RFT1: variants seen among roughly 807,000 people sequenced by gnomAD.
RFT1 encodes man(5)GlcNAc(2)-PP-dolichol translocation protein RFT1.
Under a neutral mutation model 62.2 loss-of-function variants are expected in RFT1, and 43 were observed. The ratio of observed to expected loss-of-function variants is 0.69; its 90% CI spans 0.54 to 0.89. RFT1 has a LOEUF of 0.89. Ranked by LOEUF, RFT1 falls within the 40% of genes least tolerant of loss-of-function variation. RFT1 has a pLI of 0.00. For missense variants in RFT1, 605 were observed against 649.9 expected (o/e 0.93, Z 0.75); for synonymous variants, 262 against 264.6 (o/e 0.99, Z 0.10).
At chr3:53,123,611 T>C (rs1305625527) in intron 3 of RFT1, 113 bp downstream of exon 3, 3 of 838,866 alleles carry the variant, frequency 3.6e-6, no homozygotes, top group South Asian at 2.7e-5. Flanking sequence ...CAGAAACCCA[T>C]GACGAAACTG....
chr3:53,069,476 G>A, the RFT1 span, among the ~76,000 whole-genome samples: 15 of 152,062 alleles, frequency 9.9e-5, no homozygotes, highest in Non-Finnish European at 8.8e-5. Context: ...TGGAAAAATG[G>A]GGAAAGGATA....
Position 53,129,097 on chromosome 3 carries a change from A to C in RFT1, c.63+1241T>G, listed in dbSNP as rs531564275. The stretch of plus-strand genomic sequence containing the variant: ...TGTGGATAAAACAATAAACTCAGTT[A>C]TTTATGTAGTGAAACAGAAAAAAAA... On this transcript the variant is annotated intron_variant, in intron 1 of 12. Coordinates refer to ENST00000296292, the MANE Select transcript of RFT1 (RefSeq NM_052859.4). 8.3e-4 allele frequency among the ~76,000 whole-genome samples: 126 copies of C among 152,336 alleles called. 1 individual carries two copies. The highest frequency in any genetic ancestry group is 3.0e-3 in the African/African-American group (124 of 41,580).
chr3:53,122,418 G>A lies in RFT1; in HGVS notation c.412C>T (p.Pro138Ser), dbSNP rs1045604063. The A allele has an allele frequency of 6.2e-7, 1 of 1,613,914 alleles. No homozygotes were observed. The highest frequency in any genetic ancestry group is 1.1e-5 in the South Asian group (1 of 91,074). ...TGTGCTTGTGCCAAGACCCAAAAGG[G>A]CTCTCCTAGAAGCTCCACCACTGCC... ...LSAVVELLGEPFWVLAQAHMF... is the reference protein window; with the variant it reads ...LSAVVELLGESFWVLAQAHMF... The change falls in exon 4 of 13, where the codon CCC becomes TCC. Residue 138 changes from proline (P) to serine (S), a missense_variant. Pro to Ser is a moderately conservative substitution (Grantham distance 74). Transcript: ENST00000296292.
At chr3:53,112,560 G>A (rs529493085) in intron 6 of RFT1, among the ~76,000 whole-genome samples, 1 of 152,228 alleles carries the variant, frequency 6.6e-6, no homozygotes, top group East Asian at 1.9e-4. Flanking sequence ...TGGCCAACAT[G>A]GCAAAAACCC....
At chr3:53,080,756 G>A in the RFT1 span, among the ~76,000 whole-genome samples, 1 of 152,212 alleles carries the variant, frequency 6.6e-6, no homozygotes, top group East Asian at 1.9e-4. Flanking sequence ...TTTTAGATGA[G>A]TAAACTGAGG....
chr3:53,105,646 G>A, intron 9 of RFT1, 27 bp downstream of exon 9: 2 of 1,611,802 alleles, frequency 1.2e-6, no homozygotes, highest in Non-Finnish European at 1.7e-6. Flanking sequence ...GAATTCACTT[G>A]AGAGATGACA....
the RFT1 span, among the ~76,000 whole-genome samples, chr3:53,070,388 T>TG: frequency 7.8e-6 from 1 of 127,478 alleles, no homozygotes; most frequent in Non-Finnish European, 1.7e-5. Flanking sequence ...CAGCCCTGTA[T>TG]TATGGTTTTT....
chr3:53,119,913 C>T lies in RFT1; in HGVS notation c.667G>A (p.Asp223Asn). 1 of 1,612,360 alleles carries T rather than the reference C, an allele frequency of 6.2e-7. No homozygotes were observed. The highest frequency in any genetic ancestry group is 2.2e-5 in the East Asian group (1 of 44,848). ...TTTCTTGTAATATTGGGTAACAGAT[C>T]TGTTATTCTGGAGACAGGAAGAGTT... is the stretch of plus-strand genomic sequence containing the variant. ...LQTLPVSRITDLLPNITRNGA... is the reference protein window; with the variant it reads ...LQTLPVSRITNLLPNITRNGA... The change falls in exon 6 of 13, where the codon GAT (aspartate) becomes AAT (asparagine). Residue 223 changes from aspartate (D) to asparagine (N), a missense_variant. Physicochemically the swap from Asp to Asn is conservative, Grantham distance 23 (BLOSUM62 1). Transcript: ENST00000296292.
Position 53,099,403 on chromosome 3 carries a change from T to C in RFT1, c.1186A>G (p.Met396Val), listed in dbSNP as rs1701245763. 2.5e-6 allele frequency: 4 copies of C among 1,614,082 alleles called. No individual in the cohort carries two copies. The highest frequency in any genetic ancestry group is 8.5e-7 in the Non-Finnish European group (1 of 1,179,926). The change falls in exon 11 of 13, where the codon ATG (methionine) becomes GTG (valine). Residue 396 changes from methionine (M) to valine (V), a missense_variant. Physicochemically the swap from Met to Val is conservative, Grantham distance 21. Coordinates refer to ENST00000296292, the MANE Select transcript of RFT1 (RefSeq NM_052859.4). ...CACCTGTCGACCTCCTCTTTGCTCA[T>C]GGCAGCAAATGTGAAACACTCTGTC... ...GVTECFTFAA[M>V]SKEEVDRYNF... is the part of the protein sequence containing the mutation.
Position 53,099,495 on chromosome 3 carries a change from A to G in RFT1, c.1103-9T>C, listed in dbSNP as rs769114057. On this transcript the variant is annotated splice_polypyrimidine_tract_variant and intron_variant, in intron 10 of 12. Transcript: ENST00000296292. ...ACGCAGCAAAACAGGACCTACAAGG[A>G]AACAACTCACTGAGACTCCAGAGCC... is the stretch of plus-strand genomic sequence containing the variant. The G allele has an allele frequency of 2.5e-6, 4 of 1,611,712 alleles. No homozygotes were observed. Among genetic ancestry groups the G allele is most frequent in the Non-Finnish European group, 3.4e-6 (4 of 1,178,078 alleles).
At chr3:53,111,768 C>T in intron 7 of RFT1, 62 bp downstream of exon 7, 3 of 1,363,442 alleles carry the variant, frequency 2.2e-6, no homozygotes, top group Non-Finnish European at 3.2e-6. Flanking sequence ...AGGTAATTGG[C>T]AGTCCTATGA....
the RFT1 span, among the ~76,000 whole-genome samples, chr3:53,072,753 C>T: frequency 6.6e-6 from 1 of 152,236 alleles, no homozygotes; most frequent in Non-Finnish European, 1.5e-5. Context: ...GGTGACTGCA[C>T]CCTGGGGCGG....
At chr3:53,114,531 T>G (rs1489296001) in intron 6 of RFT1, among the ~76,000 whole-genome samples, 1 of 152,168 alleles carries the variant, frequency 6.6e-6, no homozygotes, top group African/African-American at 2.4e-5. Flanking sequence ...ATGCGGCTTC[T>G]GCAGGCAGGG....
rs1164020435 is a variant in RFT1, at chr3:53,103,753, C to T, written c.1102+200G>A. 4 of 646,078 alleles carry T rather than the reference C, an allele frequency of 6.2e-6. No homozygotes were observed. In the East Asian group the frequency reaches 8.8e-5, roughly 14 times the overall value. 40.0% of individuals were successfully genotyped at this position (646,078 alleles called of 1,614,324 possible). A position where few individuals can be genotyped will look rare whatever the true frequency, so the allele number is the denominator to read the frequency against. ...AAGTGAGGCTGGGGAAGCTGATTGT[C>T]CTGGCGCCAACGCCCCTGCCTATAC... On this transcript the variant is annotated intron_variant, in intron 10 of 12. Transcript: ENST00000296292.
chr3:53,117,450 C>T (rs1479049409), intron 6 of RFT1, among the ~76,000 whole-genome samples: 1 of 152,200 alleles, frequency 6.6e-6, no homozygotes, highest in Non-Finnish European at 1.5e-5. Flanking sequence ...GCCCAGGAAT[C>T]ACCTCTCCTA....
At chr3:53,086,183 C>T (rs1317800972), downstream of RFT1, among the ~76,000 whole-genome samples, 3 of 152,184 alleles carry the variant, frequency 2.0e-5, no homozygotes, top group South Asian at 2.1e-4. Flanking sequence ...AATAATTTTT[C>T]GTCTGCATCT....
At chr3:53,073,037 G>A in the RFT1 span, among the ~76,000 whole-genome samples, 482 of 152,344 alleles carry the variant, frequency 3.2e-3, 5 homozygotes, top group African/African-American at 0.011. Context: ...GTCCTGGGGG[G>A]CCCTGCTTCC....
chr3:53,094,355 A>G (rs9874517), intron 11 of RFT1, among the ~76,000 whole-genome samples: 58 of 1,558 alleles, frequency 0.037, no homozygotes, highest in South Asian at 0.14. Context: ...CTACACGCAC[A>G]CACACACACA....
downstream of RFT1, among the ~76,000 whole-genome samples, chr3:53,088,169 CAAGGA>C (rs1700899017): frequency 6.6e-6 from 1 of 152,118 alleles, no homozygotes; most frequent in Non-Finnish European, 1.5e-5. Flanking sequence ...ACAAACAAAA[CAAGGA>C]CCAGGCCAGA....
Sources: gnomAD v4.1 joint callset for allele counts (sites outside exome capture counted in the v4.1 genomes callset) on GRCh38, gnomAD v4.1.1 for gene constraint, MANE v1.5 for transcripts, NCBI Gene and HGNC (gene_info 2026-07-23, HGNC 2026-07-21) for gene names.